Variants in CBLB observed in about 807,000 individuals in gnomAD.
CBLB encodes the protein E3 ubiquitin-protein ligase CBL-B.
In CBLB, 31 loss-of-function variants were observed where a neutral mutation model predicts 104.9. The observed-to-expected ratio is 0.30, with a 90% CI of 0.22 to 0.40. The LOEUF (loss-of-function observed/expected upper bound fraction) is 0.40. Ranked by LOEUF, CBLB falls within the 10% of genes least tolerant of loss-of-function variation. The pLI is 1.00. For missense variants in CBLB, 1,062 were observed against 1,214.6 expected, an observed-to-expected ratio of 0.87 and a Z score of 1.87; for synonymous variants, 440 against 422.6, an observed-to-expected ratio of 1.04 and a Z score of -0.51.
chr3:105,805,828 G>A (rs1577356199), intron 3 of CBLB, among the ~76,000 whole-genome samples: 1 of 151,628 alleles, frequency 6.6e-6, no homozygotes, highest in South Asian at 2.1e-4. Flanking sequence ...TCAGTAGTAG[G>A]ACATTAATTC....
rs543962882 is a variant in CBLB, at chr3:105,731,907, C to T, written c.1203+2102G>A. The stretch of plus-strand genomic sequence containing the variant: ...GATGTGAAGTCTTGCAACATGTATG[C>T]ATGTGTATGCTCTAAGACTGGAGCC... On this transcript the variant is annotated intron_variant, in intron 9 of 18. Transcript: ENST00000394030. 5.9e-5 allele frequency among the ~76,000 whole-genome samples: 9 copies of T among 152,326 alleles called. No individual in the cohort carries two copies. The East Asian group carries it at 1.7e-3, about 29-fold the overall frequency.
chr3:105,845,410 G>C (rs1577787397), intron 3 of CBLB, among the ~76,000 whole-genome samples: 2 of 148,024 alleles, frequency 1.4e-5, no homozygotes, highest in South Asian at 4.2e-4. Flanking sequence ...CTAAATAAAT[G>C]AAATAAATAG....
chr3:105,745,802 C>G, intron 6 of CBLB, 115 bp downstream of exon 6: 1 of 944,324 alleles, frequency 1.1e-6, no homozygotes, highest in Non-Finnish European at 1.7e-6. Context: ...TTTACCTTTT[C>G]TAGCCCCCTC....
intron 3 of CBLB, among the ~76,000 whole-genome samples, chr3:105,808,232 G>A (rs2083779635): frequency 6.6e-6 from 1 of 152,008 alleles, no homozygotes; most frequent in African/African-American, 2.4e-5. Context: ...ATAAAATGAT[G>A]TTTTCTTAAA....
chr3:105,747,464 A>C (rs1431873364), intron 5 of CBLB, among the ~76,000 whole-genome samples: 1 of 152,200 alleles, frequency 6.6e-6, no homozygotes, highest in Non-Finnish European at 1.5e-5. Flanking sequence ...ATTTAGTAAT[A>C]ATGAAGTTTT....
At chr3:105,750,820 T>C (rs2076531886) in intron 5 of CBLB, among the ~76,000 whole-genome samples, 1 of 152,208 alleles carries the variant, frequency 6.6e-6, no homozygotes, top group Non-Finnish European at 1.5e-5. Flanking sequence ...GTTGTTTACA[T>C]TAGAGAAAAT....
chr3:105,821,035 A>T (rs1035474638), intron 3 of CBLB, among the ~76,000 whole-genome samples: 1 of 152,162 alleles, frequency 6.6e-6, no homozygotes, highest in Non-Finnish European at 1.5e-5. Flanking sequence ...GTACCATAAG[A>T]GACAATGATC....
chr3:105,857,116 C>T (rs2153133100), intron 2 of CBLB, among the ~76,000 whole-genome samples: 2 of 152,252 alleles, frequency 1.3e-5, no homozygotes, highest in East Asian at 3.9e-4. Flanking sequence ...ATTTCCTCTA[C>T]TAGAGAACTT....
At chr3:105,697,546 C>T (rs909998575) in intron 12 of CBLB, among the ~76,000 whole-genome samples, 1 of 151,970 alleles carries the variant, frequency 6.6e-6, no homozygotes, top group Non-Finnish European at 1.5e-5. Flanking sequence ...TGTCCTTCAA[C>T]GTCAGACTGT....
At chr3:105,792,055 C>G (rs1239024075) in intron 3 of CBLB, among the ~76,000 whole-genome samples, 1 of 152,166 alleles carries the variant, frequency 6.6e-6, no homozygotes, top group Non-Finnish European at 1.5e-5. Context: ...CTTAGACCAT[C>G]AGCATAGCAA....
chr3:105,784,600 G>A (rs985235898), intron 3 of CBLB, among the ~76,000 whole-genome samples: 2 of 152,060 alleles, frequency 1.3e-5, no homozygotes, highest in Non-Finnish European at 2.9e-5. Context: ...AATCTGAATG[G>A]AGTCAATTAA....
At chr3:105,675,630 T>A (rs1396339289) in intron 17 of CBLB, among the ~76,000 whole-genome samples, 2 of 152,118 alleles carry the variant, frequency 1.3e-5, no homozygotes, top group Non-Finnish European at 2.9e-5. Flanking sequence ...ACGCCTGCAA[T>A]TCTAGCATTT....
rs77277360 is a variant in CBLB, at chr3:105,713,781, C to T, written c.1407+6266G>A. Reference sequence around the variant, plus strand: ...CCTTCGGATTGCTTACTGTCACTCACGGCTCTACCTAAATGTTGTGGGAAG... The same window carrying T: ...CCTTCGGATTGCTTACTGTCACTCATGGCTCTACCTAAATGTTGTGGGAAG... On this transcript the variant is annotated intron_variant, in intron 10 of 18. Transcript: ENST00000394030. 3.9e-5 allele frequency among the ~76,000 whole-genome samples: 6 copies of T among 152,250 alleles called. No individual in the cohort carries two copies. The East Asian group carries it at 9.7e-4, about 24-fold the overall frequency.
intron 3 of CBLB, among the ~76,000 whole-genome samples, chr3:105,803,797 G>A (rs186736508): frequency 6.6e-6 from 1 of 152,124 alleles, no homozygotes; most frequent in African/African-American, 2.4e-5. Context: ...ACTTGAAGGG[G>A]TCACTTATCT....
chr3:105,690,751 G>A (rs1349350930), intron 13 of CBLB, among the ~76,000 whole-genome samples: 3 of 151,690 alleles, frequency 2.0e-5, no homozygotes, highest in Non-Finnish European at 4.4e-5. Context: ...GAACCCAGGA[G>A]GCAGAGGTTG....
intron 3 of CBLB, among the ~76,000 whole-genome samples, chr3:105,798,098 G>A (rs1410019677): frequency 6.6e-6 from 1 of 152,234 alleles, no homozygotes; most frequent in African/African-American, 2.4e-5. Context: ...GTTTTTGTAA[G>A]AGACAAGCTA....
chr3:105,868,085 A>G, intron 1 of CBLB: 1 of 530,088 alleles, frequency 1.9e-6, no homozygotes, highest in Non-Finnish European at 3.0e-6. Flanking sequence ...ATTATCCTAC[A>G]CAAACGTAAG....
At chr3:105,735,072 C>T (rs1026314707) in intron 8 of CBLB, among the ~76,000 whole-genome samples, 11 of 152,122 alleles carry the variant, frequency 7.2e-5, no homozygotes, top group Admixed American at 1.3e-4. Context: ...ACTTTTAGTT[C>T]AGTAAGTGAC....
chr3:105,866,902 G>A (rs1024124520), intron 2 of CBLB, among the ~76,000 whole-genome samples: 2 of 152,136 alleles, frequency 1.3e-5, no homozygotes, highest in East Asian at 3.8e-4. Context: ...AACAAAAAAA[G>A]TTTCTTAATG....
Sources: gnomAD v4.1 joint callset for allele counts (sites outside exome capture counted in the v4.1 genomes callset) on GRCh38, gnomAD v4.1.1 for gene constraint, MANE v1.5 for transcripts, NCBI Gene and HGNC (gene_info 2026-07-23, HGNC 2026-07-21) for gene names.